The following MYO3B variants were observed in gnomAD, a reference collection of about 807,000 sequenced individuals.
The protein encoded by MYO3B is myosin-IIIb.
MYO3B carries 156 observed loss-of-function variants against 174.6 expected under a neutral mutation model. The observed-to-expected ratio is 0.89, with a 90% CI of 0.78 to 1.02. The LOEUF is 1.02. Ranked by LOEUF, MYO3B falls within the 50% of genes least tolerant of loss-of-function variation. MYO3B has a pLI of 0.00. For synonymous variants in MYO3B, 563 were observed against 569.1 expected (o/e 0.99, Z 0.15); for missense variants, 1,632 against 1,639.4 (o/e 1.00, Z 0.08).
At chr2:170,179,214 A>G (rs1348771257) in intron 1 of MYO3B, among the ~76,000 whole-genome samples, 1 of 152,202 alleles carries the variant, frequency 6.6e-6, no homozygotes, top group Non-Finnish European at 1.5e-5. Context: ...AAAATAAAAT[A>G]AAATTTAAAG....
At position 170,233,725 on chromosome 2, in the gene MYO3B, T is replaced by G. The variant is rs375951262; in HGVS notation, c.604-2266T>G. Reference sequence around the variant, plus strand: ...CTCAGAAGAGAAGAGTACAGGGCAATTATGAGAACAAGAGCACAGAGTTTA... The same window carrying G: ...CTCAGAAGAGAAGAGTACAGGGCAAGTATGAGAACAAGAGCACAGAGTTTA... On this transcript the variant is annotated intron_variant, in intron 6 of 34. Coordinates refer to ENST00000408978, the MANE Select transcript of MYO3B (RefSeq NM_138995.5). 2.9e-3 allele frequency among the ~76,000 whole-genome samples: 441 copies of G among 152,268 alleles called. 2 individuals carry two copies. Among genetic ancestry groups the G allele is most frequent in the South Asian group, 0.018 (85 of 4,822 alleles).
At position 170,519,399 on chromosome 2, in the gene MYO3B, T is replaced by G. The variant is rs778895749; in HGVS notation, c.3473-39T>G. On this transcript the variant is annotated intron_variant, in intron 29 of 34. Transcript: ENST00000408978. Reference sequence around the variant, plus strand: ...GGCACCAAAAGCTAACCCTACCTACTTCTGAACATATGCTTAGCCCTCCTT... The same window carrying G: ...GGCACCAAAAGCTAACCCTACCTACGTCTGAACATATGCTTAGCCCTCCTT... 5.7e-6 allele frequency: 9 copies of G among 1,569,182 alleles called. No individual in the cohort carries two copies. In the East Asian group the frequency reaches 1.6e-4, roughly 27 times the overall value.
At chr2:170,263,647 C>T (rs1024158536) in intron 7 of MYO3B, among the ~76,000 whole-genome samples, 1 of 152,082 alleles carries the variant, frequency 6.6e-6, no homozygotes, top group African/African-American at 2.4e-5. Flanking sequence ...AGTATTTCTG[C>T]CAGCATGTCT....
chr2:170,196,095 T>C (rs1435303183), intron 1 of MYO3B, among the ~76,000 whole-genome samples: 1 of 152,218 alleles, frequency 6.6e-6, no homozygotes, highest in Non-Finnish European at 1.5e-5. Context: ...TTCTGAAATG[T>C]CATTTAATGT....
At chr2:170,622,219 T>C (rs1376284607) in intron 32 of MYO3B, among the ~76,000 whole-genome samples, 11 of 152,230 alleles carry the variant, frequency 7.2e-5, no homozygotes, top group Non-Finnish European at 1.6e-4. Flanking sequence ...TGTTGCAGTG[T>C]GGCTAATTGT....
At position 170,381,284 on chromosome 2, in the gene MYO3B, GATAA is replaced by G. The variant is rs1401968606; in HGVS notation, c.972-728_972-725del. 1.4e-4 allele frequency among the ~76,000 whole-genome samples: 22 copies of G among 152,234 alleles called. No homozygotes were observed. The East Asian group carries it at 3.3e-3, about 23-fold the overall frequency. ...GGTAAGGTAGATAGGTAGATAGATA[GATAA>G]ATAGAGTTTAAAAATCATAATGTTT... On this transcript the variant is annotated intron_variant, in intron 9 of 34. Transcript: ENST00000408978.
intron 22 of MYO3B, among the ~76,000 whole-genome samples, chr2:170,422,159 A>T (rs1240863952): frequency 6.6e-6 from 1 of 152,200 alleles, no homozygotes. Context: ...CCAACCCCTA[A>T]TATCTCTAGA....
chr2:170,334,868 C>G (rs919093652), intron 7 of MYO3B: 1 of 152,526 alleles, frequency 6.6e-6, no homozygotes. Context: ...GACTGTCTGA[C>G]TTTCTCCAGT....
At chr2:170,196,013 T>A (rs2092596222) in intron 1 of MYO3B, among the ~76,000 whole-genome samples, 1 of 152,192 alleles carries the variant, frequency 6.6e-6, no homozygotes, top group African/African-American at 2.4e-5. Context: ...AGTTGTTCAT[T>A]TTTCCCTCAG....
In MYO3B at chr2:170,385,258, C is replaced by G. The variant is rs181883526; in HGVS notation, c.1291-931C>G. ...TTGTATAACTTAATCTTTAAATCCC[C>G]TCTTCTTTCTAGAAGTTGGGAGGTA... On this transcript the variant is annotated intron_variant, in intron 12 of 34. Coordinates refer to ENST00000408978, the MANE Select transcript of MYO3B (RefSeq NM_138995.5). Among the ~76,000 whole-genome samples the G allele has an allele frequency of 6.4e-3, 973 of 152,246 alleles. 8 individuals carry two copies. Among genetic ancestry groups the G allele is most frequent in the Admixed American group, 9.9e-3 (152 of 15,284 alleles).
intron 7 of MYO3B, among the ~76,000 whole-genome samples, chr2:170,280,759 C>T (rs1403434297): frequency 2.0e-5 from 3 of 152,058 alleles, no homozygotes; most frequent in Non-Finnish European, 2.9e-5. Context: ...TTGGTTTTGT[C>T]GGCTTTGTCA....
intron 24 of MYO3B, among the ~76,000 whole-genome samples, chr2:170,465,951 G>A (rs1374571676): frequency 6.6e-6 from 1 of 152,110 alleles, no homozygotes; most frequent in Non-Finnish European, 1.5e-5. Flanking sequence ...CTCTTGCTGT[G>A]AGAGCCCTGT....
rs372176218 is a variant in MYO3B, at chr2:170,535,508, T to G, written c.3576-7398T>G. ...TGTTAGTAGCCCCAGGTATCATTCA[T>G]TAAGATCCTTAATAGAATTGTGTGA... On this transcript the variant is annotated intron_variant, in intron 30 of 34. Transcript: ENST00000408978. 2.6e-4 allele frequency among the ~76,000 whole-genome samples: 39 copies of G among 152,320 alleles called. 1 individual carries two copies. Among genetic ancestry groups the G allele is most frequent in the South Asian group, 1.9e-3 (9 of 4,824 alleles).
chr2:170,435,514 C>T (rs891630694), intron 22 of MYO3B, among the ~76,000 whole-genome samples: 45 of 152,148 alleles, frequency 3.0e-4, no homozygotes, highest in Non-Finnish European at 5.9e-5. Flanking sequence ...ACAAAGTCAT[C>T]GTATTGTAGA....
At chr2:170,433,107 T>C (rs2094725064) in intron 22 of MYO3B, among the ~76,000 whole-genome samples, 1 of 152,204 alleles carries the variant, frequency 6.6e-6, no homozygotes, top group Non-Finnish European at 1.5e-5. Context: ...TTTTTTTACA[T>C]TTTATACCAT....
At chr2:170,636,023 T>G (rs1575310899) in intron 32 of MYO3B, among the ~76,000 whole-genome samples, 1 of 152,346 alleles carries the variant, frequency 6.6e-6, no homozygotes, top group East Asian at 1.9e-4. Flanking sequence ...AGCTGTCTGT[T>G]TTTTTCTTTT....
chr2:170,522,816 A>G (rs1017737738), intron 30 of MYO3B, among the ~76,000 whole-genome samples: 1 of 152,194 alleles, frequency 6.6e-6, no homozygotes, highest in African/African-American at 2.4e-5. Context: ...TTCCTCCATG[A>G]AGACCTAATT....
Position 170,185,842 on chromosome 2 carries a change from C to T in MYO3B, c.2+7553C>T, listed in dbSNP as rs1031959574. Reference sequence around the variant, plus strand: ...TCTTTCATCAGTGTTTTATAGTTTTCGTTGTAGAGATCTTTCATTTTTTTG... The same window carrying T: ...TCTTTCATCAGTGTTTTATAGTTTTTGTTGTAGAGATCTTTCATTTTTTTG... On this transcript the variant is annotated intron_variant, in intron 1 of 34. Transcript: ENST00000408978. Among the ~76,000 whole-genome samples, 8 of 142,300 alleles carry T rather than the reference C, an allele frequency of 5.6e-5. No individual in the cohort carries two copies. The South Asian group carries it at 1.5e-3, about 26-fold the overall frequency. 93.4% of individuals were successfully genotyped at this position (142,300 alleles called of 152,430 possible). A position where few individuals can be genotyped will look rare whatever the true frequency, so the allele number is the denominator to read the frequency against.
chr2:170,615,698 GCTCT>G (rs1161602450), intron 32 of MYO3B, among the ~76,000 whole-genome samples: 6 of 152,204 alleles, frequency 3.9e-5, no homozygotes, highest in Non-Finnish European at 7.3e-5. Context: ...ATGCAATGGG[GCTCT>G]CTCTTTGTTC....
Sources: gnomAD v4.1 joint callset for allele counts (sites outside exome capture counted in the v4.1 genomes callset) on GRCh38, gnomAD v4.1.1 for gene constraint, MANE v1.5 for transcripts, NCBI Gene and HGNC (gene_info 2026-07-23, HGNC 2026-07-21) for gene names.